The following MDGA2 variants were observed in gnomAD, a reference collection of about 807,000 sequenced individuals.
MDGA2 encodes MAM domain containing glycosylphosphatidylinositol anchor 2, also known as MAM domain-containing glycosylphosphatidylinositol anchor protein 2.
In MDGA2, 40 loss-of-function variants were observed where a neutral mutation model predicts 117.8. That is an observed-to-expected ratio of 0.34 (90% confidence interval 0.26 to 0.44). MDGA2 has a LOEUF of 0.44. Ranked by LOEUF, MDGA2 falls within the 20% of genes least tolerant of loss-of-function variation. The pLI, the probability that MDGA2 is intolerant of heterozygous loss-of-function variation, is 1.00. For missense variants in MDGA2, 1,123 were observed against 1,250.6 expected, an observed-to-expected ratio of 0.90 and a Z score of 1.54; for synonymous variants, 452 against 439.0, an observed-to-expected ratio of 1.03 and a Z score of -0.37.
At chr14:47,274,940 T>G (rs1401637463) in intron 2 of MDGA2, among the ~76,000 whole-genome samples, 2 of 152,166 alleles carry the variant, frequency 1.3e-5, no homozygotes, top group African/African-American at 4.8e-5. Context: ...TTGTAAGAGT[T>G]CTTTATAAAC....
At chr14:47,273,420 A>G (rs1888210890) in intron 2 of MDGA2, among the ~76,000 whole-genome samples, 1 of 152,164 alleles carries the variant, frequency 6.6e-6, no homozygotes. Context: ...GCAAACTCAC[A>G]ATGTTTGAAA....
intron 1 of MDGA2, among the ~76,000 whole-genome samples, chr14:47,535,325 C>A (rs1449201614): frequency 6.6e-6 from 1 of 152,158 alleles, no homozygotes; most frequent in Non-Finnish European, 1.5e-5. Flanking sequence ...CTTGGGCATG[C>A]AGATGTAAGT....
chr14:47,630,029 T>C (rs1897224195), intron 1 of MDGA2, among the ~76,000 whole-genome samples: 1 of 151,972 alleles, frequency 6.6e-6, no homozygotes, highest in Non-Finnish European at 1.5e-5. Context: ...AAACATAACT[T>C]GTGGGGAGGG....
chr14:47,497,197 T>G (rs527432738), intron 1 of MDGA2, among the ~76,000 whole-genome samples: 1 of 152,162 alleles, frequency 6.6e-6, no homozygotes, highest in South Asian at 2.1e-4. Context: ...GTTCATAAAT[T>G]TAGAAACCAT....
At chr14:47,067,863 T>C (rs1398493417) in intron 6 of MDGA2, among the ~76,000 whole-genome samples, 1 of 152,188 alleles carries the variant, frequency 6.6e-6, no homozygotes, top group Non-Finnish European at 1.5e-5. Context: ...TTCTGGAAAA[T>C]GGATATGAGC....
intron 6 of MDGA2, among the ~76,000 whole-genome samples, chr14:47,088,420 G>C (rs1890988701): frequency 6.6e-6 from 1 of 152,098 alleles, no homozygotes; most frequent in African/African-American, 2.4e-5. Flanking sequence ...TGCTTTTGGG[G>C]AATGTGAAGG....
At chr14:47,364,015 G>A (rs1486218892) in intron 1 of MDGA2, among the ~76,000 whole-genome samples, 1 of 152,026 alleles carries the variant, frequency 6.6e-6, no homozygotes, top group Admixed American at 6.5e-5. Flanking sequence ...CTTATTAAAA[G>A]TTATGTGTTA....
chr14:47,674,510 C>T lies in MDGA2; in HGVS notation c.280+7G>A. The stretch of plus-strand genomic sequence containing the variant: ...CAAGGTCACGATAGCGTCGCGATTC[C>T]ACTCACCGTACACTCCTTGGCCAGA... On this transcript the variant is annotated splice_region_variant and intron_variant, in intron 1 of 16. Transcript: ENST00000399232. 5.2e-6 allele frequency: 8 copies of T among 1,548,376 alleles called. No individual in the cohort carries two copies. The highest frequency in any genetic ancestry group is 7.0e-6 in the Non-Finnish European group (8 of 1,145,718).
chr14:46,921,085 A>C (rs1848118459), intron 9 of MDGA2, among the ~76,000 whole-genome samples: 2 of 152,182 alleles, frequency 1.3e-5, no homozygotes, highest in Admixed American at 6.5e-5. Flanking sequence ...TATTACAAAT[A>C]ACATATTTAT....
intron 2 of MDGA2, among the ~76,000 whole-genome samples, chr14:47,260,945 A>T (rs1341054149): frequency 6.6e-6 from 1 of 152,124 alleles, no homozygotes; most frequent in Non-Finnish European, 1.5e-5. Context: ...AATATCAGTT[A>T]CTATGACAAC....
At chr14:47,195,302 A>G (rs988988021) in intron 3 of MDGA2, among the ~76,000 whole-genome samples, 4 of 152,046 alleles carry the variant, frequency 2.6e-5, no homozygotes, top group Admixed American at 6.6e-5. Flanking sequence ...ATTATTAATA[A>G]TATTGCTAAT....
intron 1 of MDGA2, among the ~76,000 whole-genome samples, chr14:47,652,990 C>T (rs2138273491): frequency 6.6e-6 from 1 of 152,258 alleles, no homozygotes; most frequent in South Asian, 2.1e-4. Context: ...GAAGCACTGT[C>T]TGACAAACTA....
chr14:47,606,336 T>C (rs1464789974), intron 1 of MDGA2, among the ~76,000 whole-genome samples: 1 of 152,226 alleles, frequency 6.6e-6, no homozygotes, highest in Non-Finnish European at 1.5e-5. Context: ...ATCTCTTGCT[T>C]TTCTGTCAAC....
At chr14:47,358,394 G>C (rs1891041500) in intron 1 of MDGA2, among the ~76,000 whole-genome samples, 1 of 152,158 alleles carries the variant, frequency 6.6e-6, no homozygotes, top group Non-Finnish European at 1.5e-5. Flanking sequence ...GTGGTCATTA[G>C]ACTGTCACCT....
chr14:47,537,200 C>G (rs953157590), intron 1 of MDGA2, among the ~76,000 whole-genome samples: 51 of 150,160 alleles, frequency 3.4e-4, no homozygotes, highest in African/African-American at 1.2e-3. Context: ...CAAACTATCG[C>G]AAGGACAAAA....
At chr14:46,903,538 T>C (rs1883374822) in intron 10 of MDGA2, among the ~76,000 whole-genome samples, 1 of 152,200 alleles carries the variant, frequency 6.6e-6, no homozygotes. Context: ...GAGAATGTCA[T>C]TCTATTTCCA....
chr14:47,604,117 A>G (rs1896697154), intron 1 of MDGA2, among the ~76,000 whole-genome samples: 1 of 152,092 alleles, frequency 6.6e-6, no homozygotes, highest in Admixed American at 6.6e-5. Flanking sequence ...GCAATATGAA[A>G]ACAGCCAAAC....
chr14:47,271,231 C>T lies in MDGA2; in HGVS notation c.420+30180G>A, dbSNP rs144844444. Among the ~76,000 whole-genome samples, 7 of 152,268 alleles carry T rather than the reference C, an allele frequency of 4.6e-5. No individual in the cohort carries two copies. The East Asian group carries it at 1.4e-3, about 29-fold the overall frequency. On this transcript the variant is annotated intron_variant, in intron 2 of 16. Coordinates refer to ENST00000399232, the MANE Select transcript of MDGA2 (RefSeq NM_001113498.3). ...CCAATACTAGCAACAGCTTCACCTT[C>T]GAATTCCTTCTTTTTATTTTTAATA... is the stretch of plus-strand genomic sequence containing the variant.
chr14:47,317,972 C>T (rs540470171), intron 1 of MDGA2, among the ~76,000 whole-genome samples: 5 of 152,108 alleles, frequency 3.3e-5, no homozygotes, highest in Non-Finnish European at 5.9e-5. Context: ...GCCTTTCCTA[C>T]ATCATTGAAT....
Sources: allele counts gnomAD v4.1 joint callset (sites outside exome capture counted in the v4.1 genomes callset), GRCh38; gene constraint gnomAD v4.1.1; transcripts MANE v1.5; gene names NCBI Gene and HGNC (gene_info 2026-07-23, HGNC 2026-07-21).